Variants in RNF43 observed in about 807,000 individuals in gnomAD.
The protein encoded by RNF43 is ring finger protein 43, also known as E3 ubiquitin-protein ligase RNF43.
In RNF43, 37 loss-of-function variants were observed where a neutral mutation model predicts 78.4. The observed-to-expected ratio is 0.47, with a 90% CI of 0.36 to 0.62. The LOEUF (loss-of-function observed/expected upper bound fraction) is 0.62. Among genes scored for constraint, RNF43 ranks in the 20% least tolerant of loss-of-function variants. The pLI, the probability that RNF43 is intolerant of heterozygous loss-of-function variation, is 0.00. For synonymous variants in RNF43, 347 were observed against 395.0 expected (o/e 0.88, Z 1.44); for missense variants, 774 against 1,007.9 (o/e 0.77, Z 3.14).
chr17:58,368,393 CA>C (rs572330688), intron 3 of RNF43, among the ~76,000 whole-genome samples: 99 of 152,118 alleles, frequency 6.5e-4, no homozygotes, highest in African/African-American at 2.2e-3. Context: ...ACTAAAAATA[CA>C]AAAATTAGCC....
intron 2 of RNF43, among the ~76,000 whole-genome samples, chr17:58,373,679 A>C (rs960078302): frequency 5.3e-5 from 8 of 152,098 alleles, no homozygotes; most frequent in Admixed American, 5.2e-4. Context: ...ATTCAATTAT[A>C]CTCTTTTAGT....
chr17:58,357,455 T>C lies in RNF43; in HGVS notation c.2308+13A>G, dbSNP rs2143382762. ...CCTCTCCCTACCACACCCACTTCCC[T>C]CTGAAAACTCACCAGGCTGGGCCGA... On this transcript the variant is annotated intron_variant, in intron 9 of 9. Transcript: ENST00000407977. The surrounding 1 kb of genome is among the most constrained non-coding windows in gnomAD (Gnocchi z 4.5). The C allele has an allele frequency of 6.2e-7, 1 of 1,614,194 alleles. No individual in the cohort carries two copies. The highest frequency in any genetic ancestry group is 1.1e-5 in the South Asian group (1 of 91,088).
intron 3 of RNF43, 140 bp from the exon 4 acceptor site, chr17:58,363,740 G>A: frequency 1.5e-6 from 1 of 679,694 alleles, no homozygotes; most frequent in South Asian, 1.9e-5. Flanking sequence ...ATCTACCTAT[G>A]CAAGGGGTCA....
intron 2 of RNF43, among the ~76,000 whole-genome samples, chr17:58,404,550 T>C (rs1351055541): frequency 6.6e-6 from 1 of 152,234 alleles, no homozygotes; most frequent in Non-Finnish European, 1.5e-5. Flanking sequence ...TAAAATAACC[T>C]AATGTCACAG....
chr17:58,380,800 G>A lies in RNF43; in HGVS notation c.253-9767C>T, dbSNP rs542354389. Among the ~76,000 whole-genome samples, 15 of 152,338 alleles carry A rather than the reference G, an allele frequency of 9.8e-5. No individual in the cohort carries two copies. The South Asian group carries it at 2.7e-3, about 27-fold the overall frequency. On this transcript the variant is annotated intron_variant, in intron 2 of 9. Transcript: ENST00000407977. Reference sequence around the variant, plus strand: ...CATTAACATGGTTACTTCACACATAGTCCAGGTCTTTCAGGCTTAGTCTCC... The same window carrying A: ...CATTAACATGGTTACTTCACACATAATCCAGGTCTTTCAGGCTTAGTCTCC...
At chr17:58,394,528 A>G (rs1484484049) in intron 2 of RNF43, among the ~76,000 whole-genome samples, 1 of 152,274 alleles carries the variant, frequency 6.6e-6, no homozygotes, top group Non-Finnish European at 1.5e-5. Context: ...CTTCTGAAAT[A>G]TGCAGAAACC....
chr17:58,395,355 A>C (rs1339062360), intron 2 of RNF43, among the ~76,000 whole-genome samples: 3 of 152,204 alleles, frequency 2.0e-5, no homozygotes, highest in African/African-American at 7.2e-5. Context: ...ATACAACTCA[A>C]CTATTTCTGA....
chr17:58,371,632 T>A (rs1973099396), intron 2 of RNF43, among the ~76,000 whole-genome samples: 1 of 152,214 alleles, frequency 6.6e-6, no homozygotes, highest in African/African-American at 2.4e-5. Flanking sequence ...CCTGTACCCA[T>A]CCTGGGATCA....
chr17:58,388,301 C>G (rs1180543241), intron 2 of RNF43, among the ~76,000 whole-genome samples: 1 of 152,172 alleles, frequency 6.6e-6, no homozygotes, highest in African/African-American at 2.4e-5. Context: ...AAGTTGATTC[C>G]TTGCCTGCAC....
In RNF43 at chr17:58,357,528, C is replaced by G. The variant is rs777471441; in HGVS notation, c.2248G>C (p.Asp750His). 6.2e-7 allele frequency: 1 copy of G among 1,614,238 alleles called. No individual in the cohort carries two copies. Among genetic ancestry groups the G allele is most frequent in the Non-Finnish European group, 8.5e-7 (1 of 1,180,054 alleles). Reference sequence around the variant, plus strand: ...GGGCATGGCCTGCCCTCTGCGGTGTCAGAACTCCATTCAGAAGGCCCCTCC... The same window carrying G: ...GGGCATGGCCTGCCCTCTGCGGTGTGAGAACTCCATTCAGAAGGCCCCTCC... ...PGEGPSEWSS[D>H]TAEGRPCPYP... The change falls in exon 9 of 10, where the codon GAC (aspartate) becomes CAC (histidine). Residue 750 changes from aspartate to histidine, a missense_variant. Asp to His is a moderately conservative substitution (Grantham distance 81). Transcript: ENST00000407977. The surrounding 1 kb of genome is among the most constrained non-coding windows in gnomAD (Gnocchi z 4.5).
intron 5 of RNF43, 68 bp downstream of exon 5, chr17:58,363,207 G>T (rs2143464999): frequency 1.9e-6 from 3 of 1,578,710 alleles, no homozygotes; most frequent in Non-Finnish European, 2.6e-6. Context: ...AAGGGCTTTT[G>T]GTGGGAGTTG....
intron 2 of RNF43, among the ~76,000 whole-genome samples, chr17:58,393,679 T>G (rs185375410): frequency 4.6e-5 from 7 of 152,310 alleles, no homozygotes; most frequent in African/African-American, 1.7e-4. Context: ...TTGATTAATT[T>G]AATGTTTGCG....
chr17:58,391,144 T>A (rs188818422), intron 2 of RNF43, among the ~76,000 whole-genome samples: 106 of 152,294 alleles, frequency 7.0e-4, no homozygotes, highest in Non-Finnish European at 1.4e-3. Flanking sequence ...ACCGGAGATA[T>A]GGAGTACACT....
intron 2 of RNF43, among the ~76,000 whole-genome samples, chr17:58,389,925 T>C (rs1363795320): frequency 6.6e-6 from 1 of 152,236 alleles, no homozygotes; most frequent in African/African-American, 2.4e-5. Context: ...AAGGACCTAA[T>C]TTCTTTTTAA....
intron 1 of RNF43, 156 bp from the exon 2 acceptor site, chr17:58,416,118 A>ATT: frequency 6.1e-6 from 1 of 162,696 alleles, no homozygotes; most frequent in Non-Finnish European, 1.3e-5. Flanking sequence ...CCACAAGGAG[A>ATT]TTTTTTTTTT....
chr17:58,370,887 G>A (rs1973078883), intron 3 of RNF43, 24 bp downstream of exon 3: 1 of 1,573,592 alleles, frequency 6.4e-7, no homozygotes, highest in African/African-American at 1.3e-5. Flanking sequence ...CTCCGGGTGT[G>A]TGTAGGGCGA....
At position 58,415,782 on chromosome 17, in the gene RNF43, A is replaced by G; in HGVS notation, c.-205T>C. 1 of 604,976 alleles carries G rather than the reference A, an allele frequency of 1.7e-6. No homozygotes were observed. Among genetic ancestry groups the G allele is most frequent in the Non-Finnish European group, 2.9e-6 (1 of 344,454 alleles). The allele number at this position is 604,976 out of a possible 1,614,324, so 37.5% of individuals were successfully genotyped here. A position where few individuals can be genotyped will look rare whatever the true frequency, so the allele number is the denominator to read the frequency against. On this transcript the variant is annotated 5_prime_UTR_variant, in exon 2 of 10. Transcript: ENST00000407977. ...TTCCTGATTGGGCAGAGAAGAGGAT[A>G]TTTTCAGCCCACATCTGCTGCAGGT... is the stretch of plus-strand genomic sequence containing the variant.
chr17:58,384,180 C>T (rs1483275344), intron 2 of RNF43, among the ~76,000 whole-genome samples: 2 of 152,212 alleles, frequency 1.3e-5, no homozygotes, highest in Admixed American at 1.3e-4. Context: ...TAGTAAGAGA[C>T]ACAAAAAGAT....
Position 58,354,912 on chromosome 17 carries a change from A to G in RNF43, c.*31T>C. ...GGTAGGGCCCAAACACATCTGGAGC[A>G]CACTCTTGGTTGGAGCTAGGCCTGA... On this transcript the variant is annotated 3_prime_UTR_variant, in exon 10 of 10. Coordinates refer to ENST00000407977, the MANE Select transcript of RNF43 (RefSeq NM_017763.6). 1 of 1,609,944 alleles carries G rather than the reference A, an allele frequency of 6.2e-7. No individual in the cohort carries two copies. Among genetic ancestry groups the G allele is most frequent in the Non-Finnish European group, 8.5e-7 (1 of 1,176,216 alleles).
Sources: gnomAD v4.1 joint callset for allele counts (sites outside exome capture counted in the v4.1 genomes callset) on GRCh38, gnomAD v4.1.1 for gene constraint, Gnocchi (gnomAD v3.1) non-coding constraint, MANE v1.5 for transcripts, NCBI Gene and HGNC (gene_info 2026-07-23, HGNC 2026-07-21) for gene names.